The following BAIAP2L2 variants were observed in gnomAD, a reference collection of about 807,000 sequenced individuals.
The protein encoded by BAIAP2L2 is BAR/IMD domain-containing adapter protein 2-like 2.
Under a neutral mutation model 60.4 loss-of-function variants are expected in BAIAP2L2, and 65 were observed. That is an observed-to-expected ratio of 1.08 (90% CI 0.88 to 1.32). BAIAP2L2 has a LOEUF of 1.32. Ranked by LOEUF, BAIAP2L2 falls within the 40% of genes most tolerant of loss-of-function variation. The pLI, the probability that BAIAP2L2 is intolerant of heterozygous loss-of-function variation, is 0.00. For synonymous variants in BAIAP2L2, 344 were observed against 301.7 expected (o/e 1.14, Z -1.45); for missense variants, 836 against 741.2 (o/e 1.13, Z -1.48).
rs559304170 is a variant in BAIAP2L2 at position 38,089,231 on chromosome 22, G to C, written c.766C>G (p.Pro256Ala). Residue 256 changes from proline (P) to alanine (A), a missense_variant and splice_region_variant, in exon 9 of 14, where the codon CCC becomes GCC. Pro to Ala is a conservative substitution (Grantham distance 27). Coordinates refer to ENST00000381669, the MANE Select transcript of BAIAP2L2 (RefSeq NM_025045.6). ...CTGAACTCTCCCAGGGGCCTCGGGGGCTGCGGGGGAGATGGGCAGGGGAGG... is the reference window on the plus strand; with the variant it reads ...CTGAACTCTCCCAGGGGCCTCGGGGCCTGCGGGGGAGATGGGCAGGGGAGG... Reference protein sequence around the residue: ...GRLTPTCLDMPPRPLGEFSSP... With the variant: ...GRLTPTCLDMAPRPLGEFSSP... 3.9e-5 allele frequency: 39 copies of C among 1,001,512 alleles called. No individual in the cohort carries two copies. In the East Asian group the frequency reaches 1.2e-3, roughly 30 times the overall value. The allele number at this position is 1,001,512 out of a possible 1,614,324, so 62.0% of individuals were successfully genotyped here.
intron 7 of BAIAP2L2, among the ~76,000 whole-genome samples, chr22:38,089,895 C>T (rs949503514): frequency 6.6e-6 from 1 of 152,000 alleles, no homozygotes; most frequent in Admixed American, 6.6e-5. Flanking sequence ...TCTGACCCCC[C>T]GCTTCCCGCG....
chr22:38,098,035 G>A (rs1184541124), intron 6 of BAIAP2L2, 28 bp downstream of exon 6: 2 of 977,990 alleles, frequency 2.0e-6, no homozygotes, highest in Admixed American at 1.9e-5. Context: ...GCCCTTCCTG[G>A]CCCACCCCCG....
intron 11 of BAIAP2L2, 30 bp downstream of exon 11, chr22:38,087,093 AC>A: frequency 6.7e-7 from 1 of 1,496,012 alleles, no homozygotes; most frequent in Non-Finnish European, 8.9e-7. Context: ...CGGCGTCCTC[AC>A]CCCCGCCCCA....
At chr22:38,097,678 G>T (rs2086469722) in intron 6 of BAIAP2L2, among the ~76,000 whole-genome samples, 1 of 152,124 alleles carries the variant, frequency 6.6e-6, no homozygotes, top group African/African-American at 2.4e-5. Flanking sequence ...GGCCCTAGCC[G>T]GGGGCGGGAT....
intron 11 of BAIAP2L2, 120 bp downstream of exon 11, chr22:38,087,004 A>AG: frequency 7.8e-7 from 1 of 1,277,550 alleles, no homozygotes; most frequent in East Asian, 3.1e-5. Context: ...TCAAAAAAAA[A>AG]AAAACAAAAC....
At chr22:38,090,118 T>TTTTTTCTTTTTA (rs1555964438) in intron 7 of BAIAP2L2, 1 of 123,086 alleles carries the variant, frequency 8.1e-6, no homozygotes, top group African/African-American at 2.9e-5. Flanking sequence ...TTTTTTTTTT[T>TTTTTTCTTTTTA]TTTTTTTTTT....
rs769109503 is a variant in BAIAP2L2 at position 38,108,333 on chromosome 22, C to T, written c.136G>A (p.Glu46Lys). Residue 46 changes from glutamate (E) to lysine (K), a missense_variant, in exon 3 of 14, where the codon GAG becomes AAG. Physicochemically the swap from Glu to Lys is moderately conservative, Grantham distance 56. Coordinates refer to ENST00000381669, the MANE Select transcript of BAIAP2L2 (RefSeq NM_025045.6). ...GCACTGAAGTAGACCTCGGCCGCCT[C>T]GGACAGAGCTGTGGACCAGAAGGGA... ...NYLRAFHALS[E>K]AAEVYFSAIQ... 42 of 1,612,182 alleles carry T rather than the reference C, an allele frequency of 2.6e-5. No individual in the cohort carries two copies. The Admixed American group carries it at 3.5e-4, about 13-fold the overall frequency.
chr22:38,098,341 C>T lies in BAIAP2L2; in HGVS notation c.348+70G>A, dbSNP rs1205935050. Reference sequence around the variant, plus strand: ...GTGCTCAGCACTGGCCTGTGTGTGCCTACCTGTCAAATGGGAGAGGGGGTC... The same window carrying T: ...GTGCTCAGCACTGGCCTGTGTGTGCTTACCTGTCAAATGGGAGAGGGGGTC... On this transcript the variant is annotated intron_variant, in intron 5 of 13. Transcript: ENST00000381669. The T allele has an allele frequency of 1.3e-5, 20 of 1,516,722 alleles. No homozygotes were observed. Among genetic ancestry groups the T allele is most frequent in the Non-Finnish European group, 1.5e-5 (17 of 1,098,080 alleles). 94.0% of individuals were successfully genotyped at this position (1,516,722 alleles called of 1,614,324 possible). A position where few individuals can be genotyped will look rare whatever the true frequency, so the allele number is the denominator to read the frequency against.
intron 4 of BAIAP2L2, among the ~76,000 whole-genome samples, chr22:38,102,854 ACGGTGAAATCC>A (rs2086593011): frequency 6.6e-6 from 1 of 151,770 alleles, no homozygotes; most frequent in Non-Finnish European, 1.5e-5. Flanking sequence ...CCTGGCTAAC[ACGGTGAAATCC>A]CGTCTCTACT....
rs2086796130 is a variant in BAIAP2L2, at chr22:38,110,118, A to ACAGAGAGAGGGAGAGAGAGAGG, written c.51+356_51+357insCCTCTCTCTCTCCCTCTCTCTG. 3.8e-5 allele frequency among the ~76,000 whole-genome samples: 2 copies of ACAGAGAGAGGGAGAGAGAGAGG among 52,776 alleles called. 1 individual carries two copies. Among genetic ancestry groups the ACAGAGAGAGGGAGAGAGAGAGG allele is most frequent in the Non-Finnish European group, 7.2e-5 (2 of 27,792 alleles). 34.6% of individuals were successfully genotyped at this position (52,776 alleles called of 152,430 possible). A position where few individuals can be genotyped will look rare whatever the true frequency, so the allele number is the denominator to read the frequency against. Reference sequence around the variant, plus strand: ...GAGAGACAGAGAGAGGGAGAGAGAGAGGGAGAGAGAGAGAGAGAGAGAGAG... The same window carrying ACAGAGAGAGGGAGAGAGAGAGG: ...GAGAGACAGAGAGAGGGAGAGAGAGACAGAGAGAGGGAGAGAGAGAGGGGGAGAGAGAGAGAGAGAGAGAGAG... On this transcript the variant is annotated intron_variant, in intron 1 of 13. Transcript: ENST00000381669.
At chr22:38,105,178 C>T (rs1390157616) in intron 4 of BAIAP2L2, among the ~76,000 whole-genome samples, 3 of 152,046 alleles carry the variant, frequency 2.0e-5, no homozygotes, top group African/African-American at 7.2e-5. Flanking sequence ...AGAGTCCCGC[C>T]AGGGCCTGCA....
Position 38,086,416 on chromosome 22 carries a change from A to T in BAIAP2L2, c.1293T>A (p.Asp431Glu). 2.0e-6 allele frequency: 3 copies of T among 1,535,042 alleles called. No individual in the cohort carries two copies. The highest frequency in any genetic ancestry group is 2.6e-6 in the Non-Finnish European group (3 of 1,137,154). Residue 431 changes from aspartate to glutamate, a missense_variant, in exon 12 of 14, where the codon GAT becomes GAA. Coordinates refer to ENST00000381669, the MANE Select transcript of BAIAP2L2 (RefSeq NM_025045.6). The stretch of plus-strand genomic sequence containing the variant: ...AGTTGCCCGGCCGGTCCAGGAGGTC[A>T]TCGAGGCTGTGGCTGCCCCGGAGTG... ...SYPLRGSHSL[D>E]DLLDRPGNSI...
rs971434162 is a variant in BAIAP2L2 at position 38,087,231 on chromosome 22, A to G, written c.1152T>C (p.Ala384=). 2.5e-6 allele frequency: 4 copies of G among 1,606,428 alleles called. No individual in the cohort carries two copies. Among genetic ancestry groups the G allele is most frequent in the Admixed American group, 1.7e-5 (1 of 58,698 alleles). ...TGGGATTCACGGGCCCCTCCTCCAG[A>G]GCCTTCACGTACGCCTCGGGGAACC... ...SGWFPEAYVK[A]LEEGPVNPMT... The change falls in exon 11 of 14, where the codon GCT becomes GCC. Residue 384 remains alanine, a synonymous_variant. Coordinates refer to ENST00000381669, the MANE Select transcript of BAIAP2L2 (RefSeq NM_025045.6).
chr22:38,089,136 T>G lies in BAIAP2L2; in HGVS notation c.861A>C (p.Leu287=). The G allele has an allele frequency of 7.4e-7, 1 of 1,348,818 alleles. No homozygotes were observed. Among genetic ancestry groups the G allele is most frequent in the Non-Finnish European group, 9.5e-7 (1 of 1,055,500 alleles). The allele number at this position is 1,348,818 out of a possible 1,614,324, so 83.6% of individuals were successfully genotyped here. The change falls in exon 9 of 14, where the codon CTA becomes CTC. Residue 287 remains leucine (L), a synonymous_variant. Coordinates refer to ENST00000381669, the MANE Select transcript of BAIAP2L2 (RefSeq NM_025045.6). ...GGGGCAGGGAGCGACGGTCTGGCTC[T>G]AGCTGGGACGCGGGCCTCGCGTCGG... ...TEPDARPASQ[L]EPDRRSLPRT... is the part of the protein sequence containing the mutation.
intron 7 of BAIAP2L2, among the ~76,000 whole-genome samples, chr22:38,095,749 G>A (rs113257470): frequency 3.7e-4 from 56 of 152,254 alleles, no homozygotes; most frequent in African/African-American, 1.3e-3. Flanking sequence ...CTGTAGTAGG[G>A]TGAAGTTGGC....
At position 38,098,077 on chromosome 22, in the gene BAIAP2L2, C is replaced by T. The variant is rs1271591983; in HGVS notation, c.451G>A (p.Val151Met). The change falls in exon 6 of 14, where the codon GTG becomes ATG. Residue 151 changes from valine to methionine, a missense_variant. By Grantham distance (21) the Val-to-Met change is conservative. Transcript: ENST00000381669. ...GGCCCTCGCACCTTCATCTCCCGCA[C>T]GTTCTTGTCTCTCTTGCGCTCCATG... Reference protein sequence around the residue: ...WRMERKRDKNVREMKESVNRL... With the variant: ...WRMERKRDKNMREMKESVNRL... 4 of 1,610,914 alleles carry T rather than the reference C, an allele frequency of 2.5e-6. No individual in the cohort carries two copies. Among genetic ancestry groups the T allele is most frequent in the South Asian group, 1.1e-5 (1 of 91,028 alleles).
rs1326874001 is a variant in BAIAP2L2, at chr22:38,103,889, C to A, written c.276+3963G>T. ...AAAAAAAAAAAAAAAGAAGCTTCCACTGGCCAAAAATAGGACATTTTCAAC... is the reference window on the plus strand; with the variant it reads ...AAAAAAAAAAAAAAAGAAGCTTCCAATGGCCAAAAATAGGACATTTTCAAC... On this transcript the variant is annotated intron_variant, in intron 4 of 13. Coordinates refer to ENST00000381669, the MANE Select transcript of BAIAP2L2 (RefSeq NM_025045.6). 2.7e-5 allele frequency among the ~76,000 whole-genome samples: 4 copies of A among 149,344 alleles called. No individual in the cohort carries two copies. The East Asian group carries it at 7.8e-4, about 29-fold the overall frequency.
chr22:38,089,496 G>A, intron 8 of BAIAP2L2, 26 bp downstream of exon 8: 1 of 1,188,458 alleles, frequency 8.4e-7, no homozygotes, highest in Non-Finnish European at 1.0e-6. Flanking sequence ...GGGCGCGAAC[G>A]GCGGCGGGGG....
rs1449428611 is a variant in BAIAP2L2 at position 38,085,167 on chromosome 22, C to T, written c.*133G>A. 3.2e-6 allele frequency: 3 copies of T among 926,824 alleles called. No homozygotes were observed. The highest frequency in any genetic ancestry group is 4.9e-6 in the Non-Finnish European group (3 of 609,482). 57.4% of individuals were successfully genotyped at this position (926,824 alleles called of 1,614,324 possible). On this transcript the variant is annotated 3_prime_UTR_variant, in exon 14 of 14. Transcript: ENST00000381669. ...GAGCTGCTCAGGCTGCCGGGGTGGT[C>T]TGGGGAGGGCAGCCACCCCCCGTCT... is the stretch of plus-strand genomic sequence containing the variant.
Sources: allele counts gnomAD v4.1 joint callset (sites outside exome capture counted in the v4.1 genomes callset), GRCh38; gene constraint gnomAD v4.1.1; transcripts MANE v1.5; gene names NCBI Gene and HGNC (gene_info 2026-07-23, HGNC 2026-07-21).